The following FAM120C variants were observed in gnomAD, a reference collection of about 807,000 sequenced individuals.
The protein encoded by FAM120C is constitutive coactivator of PPAR-gamma-like protein 2.
In FAM120C, 14 loss-of-function variants were observed where a neutral mutation model predicts 71.2. The observed-to-expected ratio is 0.20, with a 90% CI of 0.13 to 0.31. FAM120C has a LOEUF of 0.31. Ranked by LOEUF, FAM120C falls within the 10% of genes least tolerant of loss-of-function variation. The pLI is 1.00. For synonymous variants in FAM120C, 354 were observed against 353.2 expected (o/e 1.00, Z -0.03); for missense variants, 500 against 879.0 (o/e 0.57, Z 5.45).
chrX:54,128,839 AGAACAAAAT>A (rs1252026336), intron 9 of FAM120C, among the ~76,000 whole-genome samples: 2 of 111,742 alleles, frequency 1.8e-5, no homozygotes, highest in African/African-American at 6.5e-5. Context: ...TTCTTAGTAC[AGAACAAAAT>A]GAAAAGTCTC....
intron 10 of FAM120C, among the ~76,000 whole-genome samples, chrX:54,114,259 C>A (rs73210486): frequency 0.023 from 2,570 of 110,288 alleles, 23 homozygotes; most frequent in Non-Finnish European, 0.033. Flanking sequence ...ACATTGGGGA[C>A]TCAGAAGGGT....
At chrX:54,169,708 T>C (rs2067277757) in intron 1 of FAM120C, among the ~76,000 whole-genome samples, 1 of 111,968 alleles carries the variant, frequency 8.9e-6, no homozygotes, top group South Asian at 3.7e-4. Context: ...TATCACCTTA[T>C]AAGAAGATTC....
At chrX:54,169,286 G>C (rs782633502) in intron 1 of FAM120C, among the ~76,000 whole-genome samples, 2 of 111,298 alleles carry the variant, frequency 1.8e-5, no homozygotes, top group African/African-American at 6.5e-5. Context: ...AACAGAGTGA[G>C]ACCCTGTCTT....
chrX:54,150,804 A>G (rs2067180892), intron 4 of FAM120C, among the ~76,000 whole-genome samples: 1 of 110,918 alleles, frequency 9.0e-6, no homozygotes, highest in Non-Finnish European at 1.9e-5. Flanking sequence ...GTTGGAGTGC[A>G]GCGGCGCAAT....
chrX:54,166,571 G>C (rs1557135191), intron 1 of FAM120C, among the ~76,000 whole-genome samples: 1 of 111,954 alleles, frequency 8.9e-6, no homozygotes, highest in East Asian at 2.8e-4. Context: ...CAATGGAATA[G>C]TGTAAAACCA....
chrX:54,161,130 T>G (rs1603363597), intron 1 of FAM120C, among the ~76,000 whole-genome samples: 1 of 111,899 alleles, frequency 8.9e-6, no homozygotes, highest in East Asian at 2.8e-4. Context: ...TAACTCCAGA[T>G]GTGTCAGGGT....
At position 54,091,477 on chromosome X, in the gene FAM120C, T is replaced by C. The variant is rs781988523; in HGVS notation, c.2313-51A>G. 4.4e-5 allele frequency: 41 copies of C among 926,788 alleles called. No individual in the cohort carries two copies. In the Admixed American group the frequency reaches 6.7e-4, roughly 15 times the overall value. The allele number at this position is 926,788 out of a possible 1,213,427, so 76.4% of individuals were successfully genotyped here. On this transcript the variant is annotated intron_variant, in intron 10 of 15. Coordinates refer to ENST00000375180, the MANE Select transcript of FAM120C (RefSeq NM_017848.6). ...GGCCACAAAAGCTCACTTATTCATGTCACAAAAACTTATTAAGCTAAGAAC... is the reference window on the plus strand; with the variant it reads ...GGCCACAAAAGCTCACTTATTCATGCCACAAAAACTTATTAAGCTAAGAAC...
chrX:54,179,518 C>G (rs782674231), intron 1 of FAM120C, among the ~76,000 whole-genome samples: 5 of 111,932 alleles, frequency 4.5e-5, no homozygotes, highest in African/African-American at 1.6e-4. Flanking sequence ...GGTTATTAAT[C>G]AATACTTTCA....
chrX:54,163,418 C>T (rs901755197), intron 1 of FAM120C, among the ~76,000 whole-genome samples: 4 of 112,150 alleles, frequency 3.6e-5, no homozygotes, highest in Non-Finnish European at 3.8e-5. Flanking sequence ...AAGCCAGACA[C>T]AAAAAGCCAT....
intron 9 of FAM120C, among the ~76,000 whole-genome samples, chrX:54,131,834 T>C (rs2067068952): frequency 1.8e-5 from 2 of 108,866 alleles, no homozygotes; most frequent in Non-Finnish European, 3.8e-5. Flanking sequence ...CAATCTCGGC[T>C]CACTGCAAGC....
At chrX:54,163,772 G>A (rs931821800) in intron 1 of FAM120C, among the ~76,000 whole-genome samples, 7 of 110,086 alleles carry the variant, frequency 6.4e-5, no homozygotes, top group Admixed American at 2.0e-4. Context: ...TTTTATTATG[G>A]AAAATTTTAA....
At chrX:54,169,409 TA>T (rs781968536) in intron 1 of FAM120C, among the ~76,000 whole-genome samples, 5 of 111,455 alleles carry the variant, frequency 4.5e-5, no homozygotes, top group South Asian at 3.7e-4. Context: ...CACAAGGGCA[TA>T]AAAAAAATAA....
intron 15 of FAM120C, among the ~76,000 whole-genome samples, chrX:54,074,385 CAGA>C (rs1557120382): frequency 8.9e-6 from 1 of 112,494 alleles, no homozygotes; most frequent in African/African-American, 3.2e-5. Context: ...AAAAAAAACA[CAGA>C]AGATCTATGT....
intron 1 of FAM120C, among the ~76,000 whole-genome samples, chrX:54,171,061 G>A (rs1409979931): frequency 9.0e-6 from 1 of 111,509 alleles, no homozygotes; most frequent in Non-Finnish European, 1.9e-5. Flanking sequence ...ACAGGGATGG[G>A]CAGCTAACAT....
At chrX:54,180,858 A>G (rs1299605976) in intron 1 of FAM120C, among the ~76,000 whole-genome samples, 3 of 111,337 alleles carry the variant, frequency 2.7e-5, no homozygotes, top group Non-Finnish European at 5.6e-5. Flanking sequence ...CATAGTAAAT[A>G]TTCCATCAAT....
At chrX:54,145,875 C>T (rs1189747663) in intron 4 of FAM120C, among the ~76,000 whole-genome samples, 1 of 112,055 alleles carries the variant, frequency 8.9e-6, no homozygotes, top group Non-Finnish European at 1.9e-5. Context: ...TACTGTGGCA[C>T]TATTCACAAT....
intron 7 of FAM120C, among the ~76,000 whole-genome samples, 182 bp downstream of exon 7, chrX:54,134,649 G>A (rs2067084957): frequency 8.9e-6 from 1 of 111,821 alleles, no homozygotes; most frequent in Admixed American, 9.6e-5. Context: ...CATCTGCACA[G>A]GGCCAAATAA....
At chrX:54,135,999 CTTT>C (rs782253279) in intron 5 of FAM120C, among the ~76,000 whole-genome samples, 3 of 96,917 alleles carry the variant, frequency 3.1e-5, no homozygotes, top group Non-Finnish European at 4.2e-5. Context: ...CAGGGCCCTT[CTTT>C]TTTTTTTTTT....
In FAM120C at chrX:54,068,667, A is replaced by T. The variant is rs1318704268; in HGVS notation, c.*4366T>A. 1 of 111,911 alleles carries T rather than the reference A, an allele frequency of 8.9e-6. No homozygotes were observed. The highest frequency in any genetic ancestry group is 1.9e-5 in the Non-Finnish European group (1 of 53,258). The allele number at this position is 111,911 out of a possible 1,213,427, so 9.2% of individuals were successfully genotyped here. ...AGTAATACAGGAAAAAAACAATGAA[A>T]TAATTTTTTACTTTTGTCAATAACA... is the stretch of plus-strand genomic sequence containing the variant. On this transcript the variant is annotated 3_prime_UTR_variant, in exon 16 of 16. Transcript: ENST00000375180.
Sources: allele counts gnomAD v4.1 joint callset (sites outside exome capture counted in the v4.1 genomes callset), GRCh38; gene constraint gnomAD v4.1.1; transcripts MANE v1.5; gene names NCBI Gene and HGNC (gene_info 2026-07-23, HGNC 2026-07-21).